The following PCNT variants were observed in gnomAD, a reference collection of about 807,000 sequenced individuals.
PCNT encodes kendrin.
PCNT carries 319 observed loss-of-function variants against 380.4 expected under a neutral mutation model. That is an observed-to-expected ratio of 0.84 (90% CI 0.77 to 0.92). The LOEUF is 0.92. PCNT is among the 40% of genes least tolerant of loss of function. PCNT has a pLI of 0.00. For synonymous variants in PCNT, 1,845 were observed against 1,735.2 expected (o/e 1.06, Z -1.57); for missense variants, 4,400 against 4,255.3 (o/e 1.03, Z -0.95).
chr21:46,335,335 T>G (rs1338425208), intron 3 of PCNT, among the ~76,000 whole-genome samples: 1 of 152,214 alleles, frequency 6.6e-6, no homozygotes, highest in African/African-American at 2.4e-5. Flanking sequence ...ATTGACATGT[T>G]TTTTGTTAGC....
rs1239670271 is a variant in PCNT, at chr21:46,431,615, C to T, written c.8151C>T (p.Asn2717=). The change falls in exon 38 of 47, where the codon AAC becomes AAT. Residue 2717 remains asparagine (N), a synonymous_variant. Coordinates refer to ENST00000359568, the MANE Select transcript of PCNT (RefSeq NM_006031.6). Reference sequence around the variant, plus strand: ...AACACGAGCAGACGGCCAAGGACAACCTGCAGAAGGAGCTGCGTATCGAGC... The same window carrying T: ...AACACGAGCAGACGGCCAAGGACAATCTGCAGAAGGAGCTGCGTATCGAGC... ...ALKHEQTAKD[N]LQKELRIEHS... is the part of the protein sequence containing the mutation. The T allele has an allele frequency of 6.2e-7, 1 of 1,614,064 alleles. No individual in the cohort carries two copies. Among genetic ancestry groups the T allele is most frequent in the East Asian group, 2.2e-5 (1 of 44,882 alleles).
At position 46,445,567 on chromosome 21, in the gene PCNT, C is replaced by G. The variant is rs1027416840; in HGVS notation, c.*240C>G. 8 of 565,240 alleles carry G rather than the reference C, an allele frequency of 1.4e-5. No individual in the cohort carries two copies. The East Asian group carries it at 1.8e-4, about 13-fold the overall frequency. 35.0% of individuals were successfully genotyped at this position (565,240 alleles called of 1,614,324 possible). On this transcript the variant is annotated 3_prime_UTR_variant, in exon 47 of 47. Transcript: ENST00000359568. ...CATGACCTTCGTGAGGTGACGGGCACTCACTCCCATGAGCCCTGGCTGTGT... is the reference window on the plus strand; with the variant it reads ...CATGACCTTCGTGAGGTGACGGGCAGTCACTCCCATGAGCCCTGGCTGTGT...
intron 1 of PCNT, among the ~76,000 whole-genome samples, chr21:46,325,752 A>G (rs1390863246): frequency 6.6e-6 from 1 of 152,218 alleles, no homozygotes; most frequent in African/African-American, 2.4e-5. Flanking sequence ...AGGCTCGCAC[A>G]TAGTCTCAAA....
rs755547555 is a variant in PCNT, at chr21:46,355,519, C to T, written c.1829C>T (p.Ser610Phe). Residue 610 changes from serine to phenylalanine, a missense_variant, in exon 12 of 47, where the codon TCT (serine) becomes TTT (phenylalanine). By Grantham distance (155) the Ser-to-Phe change is radical (BLOSUM62 -2). Transcript: ENST00000359568. ...AGGCACCAGCTGGAAGCGCTGGAGTCTCCCCTCTGCATCCAGCACGAGGGG... is the reference window on the plus strand; with the variant it reads ...AGGCACCAGCTGGAAGCGCTGGAGTTTCCCCTCTGCATCCAGCACGAGGGG... ...SHRHQLEALESPLCIQHEGHV... is the reference protein window; with the variant it reads ...SHRHQLEALEFPLCIQHEGHV... 2 of 1,614,068 alleles carry T rather than the reference C, an allele frequency of 1.2e-6. No homozygotes were observed. Among genetic ancestry groups the T allele is most frequent in the East Asian group, 2.2e-5 (1 of 44,874 alleles).
chr21:46,434,435 C>G (rs1055436996), intron 38 of PCNT, among the ~76,000 whole-genome samples: 4 of 152,216 alleles, frequency 2.6e-5, no homozygotes, highest in Non-Finnish European at 4.4e-5. Flanking sequence ...CTCCCTGACA[C>G]GGCAAGCCGC....
chr21:46,375,042 G>A (rs973624584), intron 15 of PCNT, among the ~76,000 whole-genome samples: 2 of 152,090 alleles, frequency 1.3e-5, no homozygotes, highest in Admixed American at 6.5e-5. Flanking sequence ...TACACTTGTG[G>A]GGTGATTGGA....
At chr21:46,433,496 C>T (rs377384119) in intron 38 of PCNT, among the ~76,000 whole-genome samples, 69 of 152,118 alleles carry the variant, frequency 4.5e-4, no homozygotes, top group Middle Eastern at 6.8e-3. Flanking sequence ...ATGGCAGGGG[C>T]GTCTACACAG....
chr21:46,435,516 A>G (rs982518999), intron 38 of PCNT, among the ~76,000 whole-genome samples: 14 of 149,334 alleles, frequency 9.4e-5, no homozygotes, highest in African/African-American at 3.5e-4. Context: ...GTGAGCCACC[A>G]CACCCTGCTG....
Position 46,435,986 on chromosome 21 carries a change from A to G in PCNT, c.8834A>G (p.Asp2945Gly), listed in dbSNP as rs1291630996. 1 of 1,614,190 alleles carries G rather than the reference A, an allele frequency of 6.2e-7. No homozygotes were observed. The highest frequency in any genetic ancestry group is 8.5e-7 in the Non-Finnish European group (1 of 1,180,034). The change falls in exon 39 of 47, where the codon GAC (aspartate) becomes GGC (glycine). Residue 2945 changes from aspartate (D) to glycine (G), a missense_variant. Asp to Gly is a moderately conservative substitution (Grantham distance 94). Transcript: ENST00000359568. ...ACAGTGAGAGACCTGGAGTCGAAGGACGAGGTGCCTGGCAGCCGCCTCCAC... is the reference window on the plus strand; with the variant it reads ...ACAGTGAGAGACCTGGAGTCGAAGGGCGAGGTGCCTGGCAGCCGCCTCCAC... ...QQTVRDLESK[D>G]EVPGSRLHLG...
At chr21:46,415,248 T>C (rs1407479126) in intron 29 of PCNT, among the ~76,000 whole-genome samples, 1 of 152,104 alleles carries the variant, frequency 6.6e-6, no homozygotes, top group Non-Finnish European at 1.5e-5. Context: ...AGGAGACCCA[T>C]GAACCTGGTT....
In PCNT at chr21:46,418,220, A is replaced by G. The variant is rs1193449710; in HGVS notation, c.6938A>G (p.Asp2313Gly). ...TCTTAACAGGAGAAAGATGTCGAAG[A>G]TTTTATCACAACATCCTTTGATTCT... Reference protein sequence around the residue: ...QRTAVEKDVEDFITTSFDSQE... With the variant: ...QRTAVEKDVEGFITTSFDSQE... The change falls in exon 31 of 47, where the codon GAT becomes GGT. Residue 2313 changes from aspartate to glycine, a missense_variant. Transcript: ENST00000359568. 6 of 1,599,514 alleles carry G rather than the reference A, an allele frequency of 3.8e-6. No individual in the cohort carries two copies. The South Asian group carries it at 6.6e-5, about 18-fold the overall frequency.
In PCNT at chr21:46,367,310, C is replaced by CTT. The variant is rs35676009; in HGVS notation, c.3165+186_3165+187dup. Among the ~76,000 whole-genome samples, 132 of 132,714 alleles carry CTT rather than the reference C, an allele frequency of 9.9e-4. 1 individual carries two copies. Among genetic ancestry groups the CTT allele is most frequent in the Admixed American group, 1.9e-3 (25 of 13,052 alleles). 87.1% of individuals were successfully genotyped at this position (132,714 alleles called of 152,430 possible). On this transcript the variant is annotated intron_variant, in intron 15 of 46. Coordinates refer to ENST00000359568, the MANE Select transcript of PCNT (RefSeq NM_006031.6). The stretch of plus-strand genomic sequence containing the variant: ...ACTTCTGGTCTCTTTGTGAACTGGG[C>CTT]TTTTTTTTTTTTTTTTGAGCCGGAG...
rs573510150 is a variant in PCNT at position 46,345,717 on chromosome 21, C to T, written c.640-411C>T. Among the ~76,000 whole-genome samples the T allele has an allele frequency of 5.3e-5, 8 of 152,296 alleles. No homozygotes were observed. In the East Asian group the frequency reaches 9.6e-4, roughly 18 times the overall value. ...ATCATCATCACCCCAGAAGGAAGCC[C>T]GGTGCTCGCGGCAGCCACCCCGCTC... On this transcript the variant is annotated intron_variant, in intron 3 of 46. Coordinates refer to ENST00000359568, the MANE Select transcript of PCNT (RefSeq NM_006031.6).
intron 32 of PCNT, among the ~76,000 whole-genome samples, chr21:46,423,622 T>A (rs973511333): frequency 4.1e-5 from 6 of 146,846 alleles, no homozygotes; most frequent in Non-Finnish European, 5.9e-5. Context: ...TACTTAGGTT[T>A]CATAATTTAA....
Position 46,326,556 on chromosome 21 carries a change from C to A in PCNT, c.234C>A (p.Thr78=), listed in dbSNP as rs777984322. The stretch of plus-strand genomic sequence containing the variant: ...GCAAAAGCACATCATGTGACGACAC[C>A]CCTGATGGGGCAGGAGGGGCCTTTG... The part of the protein sequence containing the change: ...DICKSTSCDD[T]PDGAGGAFAA... The change falls in exon 2 of 47, where the codon ACC becomes ACA. Residue 78 remains threonine, a synonymous_variant. Transcript: ENST00000359568. 3.9e-5 allele frequency: 63 copies of A among 1,613,930 alleles called. No individual in the cohort carries two copies. Among genetic ancestry groups the A allele is most frequent in the Non-Finnish European group, 5.2e-5 (61 of 1,179,982 alleles).
At chr21:46,445,200 A>G in intron 46 of PCNT, 84 bp from the exon 47 acceptor site, 1 of 899,140 alleles carries the variant, frequency 1.1e-6, no homozygotes, top group Non-Finnish European at 1.9e-6. Context: ...ATTCAGTGAT[A>G]GTGTTTCAAA....
intron 3 of PCNT, among the ~76,000 whole-genome samples, chr21:46,344,544 T>G (rs2084005940): frequency 1.3e-5 from 2 of 152,208 alleles, no homozygotes; most frequent in African/African-American, 4.8e-5. Context: ...TATCTCTCCA[T>G]CCCTAGCCAG....
chr21:46,373,214 A>C (rs112262489), intron 15 of PCNT, among the ~76,000 whole-genome samples: 19,288 of 151,864 alleles, frequency 0.13, 3,406 homozygotes, highest in African/African-American at 0.4. Flanking sequence ...ATGGGGTCTC[A>C]CTGTGTTGCC....
chr21:46,407,632 C>T (rs567986666), intron 27 of PCNT, among the ~76,000 whole-genome samples: 44 of 152,278 alleles, frequency 2.9e-4, no homozygotes, highest in African/African-American at 9.1e-4. Context: ...CGTGAGCCAC[C>T]GCGCCCAGTC....
Sources: gnomAD v4.1 joint callset for allele counts (sites outside exome capture counted in the v4.1 genomes callset) on GRCh38, gnomAD v4.1.1 for gene constraint, MANE v1.5 for transcripts, NCBI Gene and HGNC (gene_info 2026-07-23, HGNC 2026-07-21) for gene names.